GRIK2: variants seen among roughly 807,000 people sequenced by gnomAD.
GRIK2 encodes the protein glutamate ionotropic receptor kainate type subunit 2.
Under a neutral mutation model 100.3 loss-of-function variants are expected in GRIK2, and 32 were observed. The ratio of observed to expected loss-of-function variants is 0.32; its 90% CI spans 0.24 to 0.43. The LOEUF is 0.43. Ranked by LOEUF, GRIK2 falls within the 20% of genes least tolerant of loss-of-function variation. The pLI is 1.00. For synonymous variants in GRIK2, 417 were observed against 389.4 expected, an observed-to-expected ratio of 1.07 and a Z score of -0.83; for missense variants, 843 against 1,114.9, an observed-to-expected ratio of 0.76 and a Z score of 3.47.
chr6:101,830,745 G>A (rs574551469), intron 10 of GRIK2, among the ~76,000 whole-genome samples: 1 of 151,378 alleles, frequency 6.6e-6, no homozygotes, highest in African/African-American at 2.4e-5. Flanking sequence ...GGGGAAAAAA[G>A]GTAATGCTTA....
At chr6:101,518,538 T>G (rs555008836) in intron 2 of GRIK2, among the ~76,000 whole-genome samples, 138 of 152,224 alleles carry the variant, frequency 9.1e-4, no homozygotes, top group African/African-American at 3.2e-3. Context: ...GATAGTAATA[T>G]TAGCTGATGT....
intron 2 of GRIK2, among the ~76,000 whole-genome samples, chr6:101,527,300 A>G (rs946316985): frequency 6.6e-6 from 1 of 152,206 alleles, no homozygotes; most frequent in African/African-American, 2.4e-5. Flanking sequence ...AAACTGCTGT[A>G]TCATAATCAA....
At chr6:101,762,383 A>G (rs982424966) in intron 7 of GRIK2, among the ~76,000 whole-genome samples, 3 of 151,764 alleles carry the variant, frequency 2.0e-5, no homozygotes, top group African/African-American at 4.8e-5. Context: ...GGGTCTTGCT[A>G]TGCTGCCCAA....
intron 2 of GRIK2, among the ~76,000 whole-genome samples, chr6:101,406,408 G>A (rs1370204867): frequency 6.6e-6 from 1 of 152,070 alleles, no homozygotes; most frequent in Non-Finnish European, 1.5e-5. Flanking sequence ...AGACAGCAGG[G>A]CCATTTGTGA....
intron 7 of GRIK2, among the ~76,000 whole-genome samples, chr6:101,691,652 A>G (rs1772106835): frequency 1.3e-5 from 2 of 152,152 alleles, no homozygotes; most frequent in South Asian, 4.1e-4. Flanking sequence ...TTAGAAGAGT[A>G]GTTCCCATTC....
At chr6:101,573,285 C>T (rs1473633099) in intron 2 of GRIK2, among the ~76,000 whole-genome samples, 1 of 152,092 alleles carries the variant, frequency 6.6e-6, no homozygotes, top group Non-Finnish European at 1.5e-5. Flanking sequence ...CTATGTTTGT[C>T]TTTTGTAGTT....
intron 6 of GRIK2, among the ~76,000 whole-genome samples, chr6:101,683,989 C>T (rs1384856046): frequency 6.6e-6 from 1 of 152,142 alleles, no homozygotes; most frequent in Non-Finnish European, 1.5e-5. Context: ...TTCTAGAAGT[C>T]TTGAAGCTGC....
intron 12 of GRIK2, among the ~76,000 whole-genome samples, chr6:101,905,659 C>T (rs1582502295): frequency 6.6e-6 from 1 of 151,294 alleles, no homozygotes; most frequent in Non-Finnish European, 1.5e-5. Flanking sequence ...CTTTTCACCA[C>T]CTAAAATTTA....
chr6:101,414,941 TG>T (rs1776051568), intron 2 of GRIK2, among the ~76,000 whole-genome samples: 1 of 57,850 alleles, frequency 1.7e-5, no homozygotes, highest in Non-Finnish European at 3.6e-5. Context: ...GTTTTAAACT[TG>T]TGTGTGTGTG....
At chr6:101,587,045 A>C (rs1447532465) in intron 2 of GRIK2, among the ~76,000 whole-genome samples, 1 of 152,044 alleles carries the variant, frequency 6.6e-6, no homozygotes, top group Non-Finnish European at 1.5e-5. Context: ...TTTTATTCAC[A>C]GGGTTGAGGA....
At chr6:101,758,928 T>C (rs1777309588) in intron 7 of GRIK2, among the ~76,000 whole-genome samples, 1 of 152,200 alleles carries the variant, frequency 6.6e-6, no homozygotes, top group Non-Finnish European at 1.5e-5. Flanking sequence ...AGAGTAAAAC[T>C]ATACTACTAA....
chr6:101,647,194 C>T (rs1275915947), intron 4 of GRIK2, among the ~76,000 whole-genome samples: 2 of 151,864 alleles, frequency 1.3e-5, no homozygotes, highest in Non-Finnish European at 2.9e-5. Context: ...CTGTTCATAA[C>T]AGACACAAAA....
chr6:101,579,996 A>G (rs1582758602), intron 2 of GRIK2, among the ~76,000 whole-genome samples: 1 of 151,956 alleles, frequency 6.6e-6, no homozygotes. Context: ...AGTCTTCCTT[A>G]ATTTATCACT....
intron 11 of GRIK2, among the ~76,000 whole-genome samples, chr6:101,887,705 C>T (rs1786753989): frequency 6.6e-6 from 1 of 152,044 alleles, no homozygotes; most frequent in Admixed American, 6.6e-5. Flanking sequence ...AAGCACCCTC[C>T]TCACGTGGCA....
intron 10 of GRIK2, among the ~76,000 whole-genome samples, chr6:101,849,743 TA>T (rs547190258): frequency 7.7e-4 from 116 of 151,612 alleles, no homozygotes; most frequent in African/African-American, 2.7e-3. Flanking sequence ...ACTTTAATCT[TA>T]GATTATTTTT....
At chr6:101,715,745 G>A (rs145408743) in intron 7 of GRIK2, among the ~76,000 whole-genome samples, 1 of 151,828 alleles carries the variant, frequency 6.6e-6, no homozygotes, top group East Asian at 1.9e-4. Context: ...GAAGAAGTTT[G>A]GAAATAAATG....
intron 14 of GRIK2, among the ~76,000 whole-genome samples, chr6:102,005,748 T>C (rs1480908229): frequency 6.6e-6 from 1 of 152,164 alleles, no homozygotes; most frequent in Non-Finnish European, 1.5e-5. Context: ...TATCCAAGTG[T>C]ATTATATTAC....
At chr6:102,064,411 C>CTT (rs1314509720) in intron 16 of GRIK2, among the ~76,000 whole-genome samples, 4 of 91,878 alleles carry the variant, frequency 4.4e-5, no homozygotes, top group Non-Finnish European at 1.0e-4. Flanking sequence ...CTCTCCCTCC[C>CTT]TCCTTTCTTT....
chr6:101,987,877 A>G (rs1223987774), intron 14 of GRIK2, among the ~76,000 whole-genome samples: 4 of 151,462 alleles, frequency 2.6e-5, no homozygotes, highest in Non-Finnish European at 5.9e-5. Flanking sequence ...AGTAGCATTA[A>G]TTTCTCTTTT....
Sources: gnomAD v4.1 joint callset for allele counts (sites outside exome capture counted in the v4.1 genomes callset) on GRCh38, gnomAD v4.1.1 for gene constraint, MANE v1.5 for transcripts, NCBI Gene and HGNC (gene_info 2026-07-23, HGNC 2026-07-21) for gene names.